ZCCHC2: variants seen among roughly 807,000 people sequenced by gnomAD.
The protein encoded by ZCCHC2 is zinc finger CCHC-type containing 2.
A neutral mutation model predicts 103.6 loss-of-function variants in ZCCHC2; 39 were observed. The observed-to-expected ratio is 0.38, with a 90% confidence interval of 0.29 to 0.49. ZCCHC2 has a LOEUF of 0.49. Among genes scored for constraint, ZCCHC2 ranks in the 20% least tolerant of loss-of-function variants. The pLI is 0.96. For missense variants in ZCCHC2, 1,483 were observed against 1,491.0 expected (o/e 0.99, Z 0.09); for synonymous variants, 687 against 608.9 (o/e 1.13, Z -1.89).
intron 6 of ZCCHC2, among the ~76,000 whole-genome samples, chr18:62,557,659 G>A (rs1281504388): frequency 6.6e-6 from 1 of 152,140 alleles, no homozygotes; most frequent in Non-Finnish European, 1.5e-5. Flanking sequence ...TTCCCCCTGC[G>A]CCAAATGTGT....
rs1236047688 is a variant in ZCCHC2 at position 62,570,087 on chromosome 18, G to A, written c.1847-16G>A. 6.4e-7 allele frequency: 1 copy of A among 1,572,188 alleles called. No homozygotes were observed. The highest frequency in any genetic ancestry group is 8.6e-7 in the Non-Finnish European group (1 of 1,159,958). On this transcript the variant is annotated splice_polypyrimidine_tract_variant and intron_variant, in intron 11 of 13. Coordinates refer to ENST00000269499, the MANE Select transcript of ZCCHC2 (RefSeq NM_017742.6). ...TGACTTAACATGATTTTTTAAAATA[G>A]TGTTGTTATTTTTAGATGTGAATTT...
At chr18:62,562,396 T>A (rs1387853539) in intron 8 of ZCCHC2, among the ~76,000 whole-genome samples, 1 of 152,186 alleles carries the variant, frequency 6.6e-6, no homozygotes, top group Admixed American at 6.5e-5. Flanking sequence ...CTTCATTGAT[T>A]TTCTTCATCT....
chr18:62,560,793 C>T, intron 8 of ZCCHC2, 149 bp downstream of exon 8: 2 of 632,564 alleles, frequency 3.2e-6, no homozygotes, highest in Non-Finnish European at 5.2e-6. Context: ...CCTTTTCTCA[C>T]TTTTTTTGCC....
Position 62,544,810 on chromosome 18 carries a change from G to C in ZCCHC2, c.1137G>C (p.Trp379Cys). 6.5e-7 allele frequency: 1 copy of C among 1,541,376 alleles called. No homozygotes were observed. The highest frequency in any genetic ancestry group is 8.7e-7 in the Non-Finnish European group (1 of 1,144,870). The change falls in exon 4 of 14, where the codon TGG becomes TGC. Residue 379 changes from tryptophan (W) to cysteine (C), a missense_variant. By Grantham distance (215) the Trp-to-Cys change is radical (BLOSUM62 -2). Coordinates refer to ENST00000269499, the MANE Select transcript of ZCCHC2 (RefSeq NM_017742.6). The part of the protein sequence containing the change: ...KYWEYTFKVN[W>C]SDLSVTTVTK... ...TGTTTTTTTTAAATCAGGTAAATTG[G>C]TCTGATCTTTCAGTCACAACAGTAA...
intron 9 of ZCCHC2, among the ~76,000 whole-genome samples, chr18:62,564,272 AACCTAC>A (rs1425194911): frequency 6.6e-6 from 1 of 152,224 alleles, no homozygotes; most frequent in Non-Finnish European, 1.5e-5. Flanking sequence ...AATAGTAGTA[AACCTAC>A]AGCAAGTGCC....
chr18:62,524,214 A>C lies in ZCCHC2; in HGVS notation c.790A>C (p.Thr264Pro). The C allele has an allele frequency of 6.5e-7, 1 of 1,549,870 alleles. No homozygotes were observed. Among genetic ancestry groups the C allele is most frequent in the Non-Finnish European group, 8.7e-7 (1 of 1,146,634 alleles). Residue 264 changes from threonine (T) to proline (P), a missense_variant, in exon 1 of 14, where the codon ACC becomes CCC. Coordinates refer to ENST00000269499, the MANE Select transcript of ZCCHC2 (RefSeq NM_017742.6). The stretch of plus-strand genomic sequence containing the variant: ...CCAGGAGGAACTGCTGCTGCTCTTC[A>C]CCATGGCCTCGCTGCACCCGGCTTT... ...RAQEELLLLF[T>P]MASLHPAFSF...
At chr18:62,562,379 AT>A (rs1438950761) in intron 8 of ZCCHC2, among the ~76,000 whole-genome samples, 16 of 151,078 alleles carry the variant, frequency 1.1e-4, no homozygotes, top group African/African-American at 2.7e-4. Context: ...CTTCCGACCA[AT>A]TTTTTCTTCA....
rs1291205179 is a variant in ZCCHC2, at chr18:62,523,690, C to T, written c.266C>T (p.Ser89Leu). Residue 89 changes from serine to leucine, a missense_variant, in exon 1 of 14, where the codon TCG becomes TTG. Ser to Leu is a moderately radical substitution (Grantham distance 145). Around this residue, in one of 3 missense-constraint regions of ZCCHC2, gnomAD observed 568 missense variants for 525.1 expected, o/e 1.08. Transcript: ENST00000269499. Reference protein sequence around the residue: ...AGMPGGGGGPSAALREQERVY... With the variant: ...AGMPGGGGGPLAALREQERVY... ...ATGCCGGGCGGCGGCGGGGGGCCCTCGGCGGCGCTGCGCGAGCAGGAGCGG... is the reference window on the plus strand; with the variant it reads ...ATGCCGGGCGGCGGCGGGGGGCCCTTGGCGGCGCTGCGCGAGCAGGAGCGG... 11 of 1,405,074 alleles carry T rather than the reference C, an allele frequency of 7.8e-6. No individual in the cohort carries two copies. The highest frequency in any genetic ancestry group is 3.0e-5 in the African/African-American group (2 of 67,030). The allele number at this position is 1,405,074 out of a possible 1,614,324, so 87.0% of individuals were successfully genotyped here. A position where few individuals can be genotyped will look rare whatever the true frequency, so the allele number is the denominator to read the frequency against.
Position 62,574,851 on chromosome 18 carries a change from G to C in ZCCHC2, c.2770G>C (p.Ala924Pro), listed in dbSNP as rs779614277. ...ASYPLPGSPL[A>P]AGVLPSQNSS... Reference sequence around the variant, plus strand: ...CTACCCCTTACCAGGCTCTCCCCTTGCTGCCGGCGTGTTACCCAGCCAGAA... The same window carrying C: ...CTACCCCTTACCAGGCTCTCCCCTTCCTGCCGGCGTGTTACCCAGCCAGAA... Residue 924 changes from alanine (A) to proline (P), a missense_variant, in exon 13 of 14, where the codon GCT becomes CCT. By Grantham distance (27) the Ala-to-Pro change is conservative. This residue lies in a region of ZCCHC2 where 884 missense variants were observed against 907.5 expected (regional missense o/e 0.97). Coordinates refer to ENST00000269499, the MANE Select transcript of ZCCHC2 (RefSeq NM_017742.6). 6.2e-7 allele frequency: 1 copy of C among 1,613,864 alleles called. No individual in the cohort carries two copies. Among genetic ancestry groups the C allele is most frequent in the Non-Finnish European group, 8.5e-7 (1 of 1,179,892 alleles).
rs937867401 is a variant in ZCCHC2, at chr18:62,523,597, T to TGCC, written c.189_191dup (p.Pro64dup). The TGCC allele has an allele frequency of 4.5e-4, 465 of 1,036,742 alleles. 1 individual carries two copies. Among genetic ancestry groups the TGCC allele is most frequent in the African/African-American group, 1.5e-3 (82 of 56,088 alleles). The allele number at this position is 1,036,742 out of a possible 1,614,324, so 64.2% of individuals were successfully genotyped here. On this transcript the variant is annotated inframe_insertion, in exon 1 of 14. Transcript: ENST00000269499. Reference sequence around the variant, plus strand: ...CCCGCGGGCCCGTCGCGGGGCCCTCTGCCGCCGCCGCCGCCGCCCCGGGGA... The same window carrying TGCC: ...CCCGCGGGCCCGTCGCGGGGCCCTCTGCCGCCGCCGCCGCCGCCGCCCCGGGGA...
rs1916910752 is a variant in ZCCHC2, at chr18:62,577,780, C to T, written c.*1201C>T. ...AAAAAAAAAAAGTTTTTTTAAAAAG[C>T]CAATCTATGTACTAAATTGCTTCCA... is the stretch of plus-strand genomic sequence containing the variant. On this transcript the variant is annotated 3_prime_UTR_variant, in exon 14 of 14. Transcript: ENST00000269499. 1 of 152,152 alleles carries T rather than the reference C, an allele frequency of 6.6e-6. No homozygotes were observed. Among genetic ancestry groups the T allele is most frequent in the East Asian group, 1.9e-4 (1 of 5,186 alleles). 9.4% of individuals were successfully genotyped at this position (152,152 alleles called of 1,614,324 possible).
chr18:62,547,620 C>T (rs1670088147), intron 4 of ZCCHC2, among the ~76,000 whole-genome samples: 1 of 151,298 alleles, frequency 6.6e-6, no homozygotes, highest in South Asian at 2.1e-4. Flanking sequence ...TGTAGTGACA[C>T]CATCTTGAGA....
chr18:62,539,784 A>G lies in ZCCHC2; in HGVS notation c.1043A>G (p.Gln348Arg). Residue 348 changes from glutamine (Q) to arginine (R), a missense_variant, in exon 2 of 14, where the codon CAG (glutamine) becomes CGG (arginine). Around this residue, in one of 3 missense-constraint regions of ZCCHC2, gnomAD observed 568 missense variants for 525.1 expected, o/e 1.08. Coordinates refer to ENST00000269499, the MANE Select transcript of ZCCHC2 (RefSeq NM_017742.6). ...CTTACCGTGGCACCTCACAGAGCTC[A>G]GCGAGAAGGTATGCTCTCTTTTTTG... ...DGLTVAPHRA[Q>R]REAVHIEKIM... 6.2e-7 allele frequency: 1 copy of G among 1,603,732 alleles called. No individual in the cohort carries two copies. The highest frequency in any genetic ancestry group is 2.2e-5 in the East Asian group (1 of 44,706).
chr18:62,538,720 A>G (rs972093598), intron 1 of ZCCHC2, among the ~76,000 whole-genome samples: 9 of 152,214 alleles, frequency 5.9e-5, no homozygotes, highest in Admixed American at 3.9e-4. Flanking sequence ...TCATAAACAG[A>G]GCAATTCATA....
chr18:62,537,774 G>C (rs751197363), intron 1 of ZCCHC2, among the ~76,000 whole-genome samples: 14 of 152,170 alleles, frequency 9.2e-5, no homozygotes, highest in Non-Finnish European at 1.5e-4. Context: ...TCTGCTTTCA[G>C]TTCTTTTGGG....
chr18:62,529,051 A>ACAGGAGGCT (rs1056823068), intron 1 of ZCCHC2, among the ~76,000 whole-genome samples: 3 of 151,354 alleles, frequency 2.0e-5, no homozygotes, highest in Middle Eastern at 3.4e-3. Flanking sequence ...TGCCAGCTGC[A>ACAGGAGGCT]CAGGAGGCTG....
Position 62,524,274 on chromosome 18 carries a change from T to G in ZCCHC2, c.850T>G (p.Leu284Val). The change falls in exon 1 of 14, where the codon TTG becomes GTG. Residue 284 changes from leucine to valine, a missense_variant. By Grantham distance (32) the Leu-to-Val change is conservative. Transcript: ENST00000269499. Reference protein sequence around the residue: ...FHQRVTLREHLERLRAALRGG... With the variant: ...FHQRVTLREHVERLRAALRGG... ...CCAGCGGGTCACCCTGAGGGAACAC[T>G]TGGAGAGGCTCCGCGCCGCGCTCCG... 1 of 1,549,444 alleles carries G rather than the reference T, an allele frequency of 6.5e-7. No individual in the cohort carries two copies. The highest frequency in any genetic ancestry group is 8.7e-7 in the Non-Finnish European group (1 of 1,146,522).
At chr18:62,553,831 C>G (rs1201949378) in intron 5 of ZCCHC2, among the ~76,000 whole-genome samples, 1 of 152,128 alleles carries the variant, frequency 6.6e-6, no homozygotes, top group Non-Finnish European at 1.5e-5. Context: ...TCAGTCCTTT[C>G]CACACTTTAT....
rs376006970 is a variant in ZCCHC2 at position 62,575,072 on chromosome 18, T to C, written c.2991T>C (p.Ala997=). The change falls in exon 13 of 14, where the codon GCT becomes GCC. Residue 997 remains alanine, a synonymous_variant. Transcript: ENST00000269499. ...TCAGTGCTGTGGGGAACACGAACGC[T>C]AATGGGACAGTAGTGCCACCGCAGC... ...SYISAVGNTN[A]NGTVVPPQQM... is the part of the protein sequence containing the mutation. 42 of 1,613,886 alleles carry C rather than the reference T, an allele frequency of 2.6e-5. No homozygotes were observed. Among genetic ancestry groups the C allele is most frequent in the Non-Finnish European group, 3.3e-5 (39 of 1,179,898 alleles).
Sources: allele counts gnomAD v4.1 joint callset (sites outside exome capture counted in the v4.1 genomes callset), GRCh38; gene constraint gnomAD v4.1.1; regional missense constraint gnomAD v4.1.1; transcripts MANE v1.5; gene names NCBI Gene and HGNC (gene_info 2026-07-23, HGNC 2026-07-21).